The following MBNL2 variants were observed in gnomAD, a reference collection of about 807,000 sequenced individuals.
MBNL2 encodes muscleblind-like protein 2.
In MBNL2, 17 loss-of-function variants were observed where a neutral mutation model predicts 41.9. The ratio of observed to expected loss-of-function variants is 0.41; its 90% CI spans 0.28 to 0.61. MBNL2 has a LOEUF of 0.61. Ranked by LOEUF, MBNL2 falls within the 20% of genes least tolerant of loss-of-function variation. MBNL2 has a pLI of 0.35. For synonymous variants in MBNL2, 195 were observed against 182.9 expected (o/e 1.07, Z -0.53); for missense variants, 336 against 505.6 (o/e 0.66, Z 3.22).
chr13:97,303,022 C>T (rs888973701), intron 2 of MBNL2, among the ~76,000 whole-genome samples: 4 of 152,302 alleles, frequency 2.6e-5, no homozygotes, highest in South Asian at 2.1e-4. Flanking sequence ...AGCAGGGATT[C>T]GAACTGGGCC....
intron 2 of MBNL2, among the ~76,000 whole-genome samples, chr13:97,290,568 C>T (rs866347695): frequency 6.6e-6 from 1 of 151,408 alleles, no homozygotes; most frequent in South Asian, 2.1e-4. Flanking sequence ...CCCAGCTACT[C>T]GGGAGGCTGA....
At chr13:97,146,291 G>A in the MBNL2 span, among the ~76,000 whole-genome samples, 3 of 151,868 alleles carry the variant, frequency 2.0e-5, no homozygotes, top group African/African-American at 4.8e-5. Flanking sequence ...GTGAGCCATC[G>A]CGCCCAGCAG....
intron 4 of MBNL2, among the ~76,000 whole-genome samples, chr13:97,344,451 A>G (rs1239153216): frequency 6.6e-6 from 1 of 152,236 alleles, no homozygotes; most frequent in African/African-American, 2.4e-5. Flanking sequence ...ATTATTAGAG[A>G]ATGTTCTTTC....
chr13:97,281,385 T>C (rs117281068), intron 2 of MBNL2, among the ~76,000 whole-genome samples: 2,977 of 152,346 alleles, frequency 0.02, 38 homozygotes, highest in Non-Finnish European at 0.029. Flanking sequence ...ACTCTGGAAG[T>C]ATAATACAAC....
Position 97,225,963 on chromosome 13 carries a change from G to A in MBNL2, c.-605+3432G>A, listed in dbSNP as rs116474373. On this transcript the variant is annotated intron_variant, in intron 1 of 8. Transcript: ENST00000679496. ...AAGAATGAGGCAGGAAGACTTAACCGGGCTTTGTAAATTAGTTAACATACT... is the reference window on the plus strand; with the variant it reads ...AAGAATGAGGCAGGAAGACTTAACCAGGCTTTGTAAATTAGTTAACATACT... Among the ~76,000 whole-genome samples the A allele has an allele frequency of 1.4e-3, 212 of 152,252 alleles. 1 individual carries two copies. The highest frequency in any genetic ancestry group is 4.8e-3 in the African/African-American group (199 of 41,546).
the MBNL2 span, among the ~76,000 whole-genome samples, chr13:97,199,232 T>C: frequency 5.3e-5 from 8 of 152,312 alleles, no homozygotes; most frequent in South Asian, 1.7e-3. Flanking sequence ...TTCATGTCTC[T>C]ACTCTGGCAT....
intron 3 of MBNL2, among the ~76,000 whole-genome samples, chr13:97,340,930 G>A (rs768676206): frequency 5.9e-5 from 9 of 152,032 alleles, no homozygotes; most frequent in Non-Finnish European, 1.2e-4. Flanking sequence ...CAATCCTATC[G>A]ACAAAGCAAA....
intron 8 of MBNL2, among the ~76,000 whole-genome samples, chr13:97,371,251 T>C (rs966662266): frequency 2.6e-5 from 4 of 152,192 alleles, no homozygotes; most frequent in Non-Finnish European, 5.9e-5. Context: ...TCATTTAATT[T>C]ACTTAATCAC....
chr13:97,177,473 C>G, the MBNL2 span, among the ~76,000 whole-genome samples: 67 of 152,200 alleles, frequency 4.4e-4, no homozygotes, highest in Non-Finnish European at 8.1e-4. Context: ...ATCAATAACT[C>G]TGTAGGAGTT....
intron 7 of MBNL2, among the ~76,000 whole-genome samples, chr13:97,364,180 A>C (rs536935071): frequency 3.5e-4 from 54 of 152,312 alleles, no homozygotes; most frequent in Middle Eastern, 3.4e-3. Flanking sequence ...TATTATGACC[A>C]CCACAAGTAA....
chr13:97,314,503 A>G (rs574489112), intron 2 of MBNL2, among the ~76,000 whole-genome samples: 15 of 152,296 alleles, frequency 9.8e-5, no homozygotes, highest in Middle Eastern at 3.4e-3. Flanking sequence ...TGTTGTGCTC[A>G]TTGTCTTGTC....
the MBNL2 span, among the ~76,000 whole-genome samples, chr13:97,158,843 G>C: frequency 1.3e-5 from 2 of 152,086 alleles, no homozygotes; most frequent in Middle Eastern, 3.4e-3. Context: ...GAATAGGTGT[G>C]GTGTGGTGCT....
At chr13:97,176,633 C>T in the MBNL2 span, among the ~76,000 whole-genome samples, 3 of 152,078 alleles carry the variant, frequency 2.0e-5, no homozygotes, top group Non-Finnish European at 4.4e-5. Flanking sequence ...TACAGCTTAG[C>T]CTGCATAAGA....
the MBNL2 span, among the ~76,000 whole-genome samples, chr13:97,188,426 C>T: frequency 9.2e-5 from 14 of 152,280 alleles, no homozygotes; most frequent in Non-Finnish European, 1.5e-4. Flanking sequence ...CTGGGAGATA[C>T]ACCGGCTCTC....
intron 1 of MBNL2, among the ~76,000 whole-genome samples, chr13:97,234,355 A>G (rs1039742958): frequency 2.0e-5 from 3 of 152,182 alleles, no homozygotes; most frequent in Non-Finnish European, 4.4e-5. Context: ...GAATACCTTT[A>G]TATATGCAAC....
At chr13:97,202,994 C>T in the MBNL2 span, among the ~76,000 whole-genome samples, 1 of 152,174 alleles carries the variant, frequency 6.6e-6, no homozygotes, top group Non-Finnish European at 1.5e-5. Context: ...GCTCCTCCTC[C>T]TTCAGGTCTC....
At chr13:97,274,005 G>C (rs1003703311) in intron 1 of MBNL2, among the ~76,000 whole-genome samples, 3 of 151,878 alleles carry the variant, frequency 2.0e-5, no homozygotes, top group Non-Finnish European at 4.4e-5. Context: ...AGGTTGCAGT[G>C]ACCCAAGATC....
chr13:97,173,840 G>A, the MBNL2 span, among the ~76,000 whole-genome samples: 1 of 152,118 alleles, frequency 6.6e-6, no homozygotes, highest in Non-Finnish European at 1.5e-5. Context: ...TCATCTTTCA[G>A]TACTTATCGG....
chr13:97,385,961 A>G (rs1014968105), intron 8 of MBNL2, among the ~76,000 whole-genome samples: 1 of 152,228 alleles, frequency 6.6e-6, no homozygotes, highest in Non-Finnish European at 1.5e-5. Context: ...AGCGCACATC[A>G]TGAGTGACAG....
Sources: gnomAD v4.1 joint callset for allele counts (sites outside exome capture counted in the v4.1 genomes callset) on GRCh38, gnomAD v4.1.1 for gene constraint, MANE v1.5 for transcripts, NCBI Gene and HGNC (gene_info 2026-07-23, HGNC 2026-07-21) for gene names.